PFKFB3: variants seen among roughly 807,000 people sequenced by gnomAD.
PFKFB3 encodes the protein 6-phosphofructo-2-kinase/fructose-2,6-biphosphatase 3, also known as 6-phosphofructo-2-kinase/fructose-2,6-bisphosphatase 3.
PFKFB3 carries 33 observed loss-of-function variants against 68.0 expected under a neutral mutation model. That is an observed-to-expected ratio of 0.49 (90% CI 0.37 to 0.65). The LOEUF is 0.65. Among genes scored for constraint, PFKFB3 ranks in the 30% least tolerant of loss-of-function variants. The probability of loss-of-function intolerance (pLI) is 0.00; values close to 1 mark genes in which losing one functional copy is unlikely to be tolerated. For synonymous variants in PFKFB3, 315 were observed against 288.2 expected, an observed-to-expected ratio of 1.09 and a Z score of -0.94; for missense variants, 586 against 712.2, an observed-to-expected ratio of 0.82 and a Z score of 2.02.
At chr10:6,172,154 A>G (rs1804057385) in intron 1 of PFKFB3, among the ~76,000 whole-genome samples, 1 of 152,256 alleles carries the variant, frequency 6.6e-6, no homozygotes, top group Non-Finnish European at 1.5e-5. Context: ...TGCTGGGATC[A>G]GTTCCCATCA....
the PFKFB3 span, among the ~76,000 whole-genome samples, chr10:6,283,257 C>T: frequency 1.3e-5 from 2 of 152,172 alleles, no homozygotes; most frequent in Admixed American, 6.5e-5. Context: ...AGTGAGCCAC[C>T]GCGCCCAGCC....
At chr10:6,186,276 C>G (rs1178764366) in intron 1 of PFKFB3, among the ~76,000 whole-genome samples, 1 of 152,122 alleles carries the variant, frequency 6.6e-6, no homozygotes, top group Non-Finnish European at 1.5e-5. Flanking sequence ...GGCTTAACTC[C>G]ATGGAACTAA....
intron 1 of PFKFB3, among the ~76,000 whole-genome samples, chr10:6,178,573 GAT>G (rs1842604078): frequency 6.6e-6 from 1 of 151,766 alleles, no homozygotes; most frequent in Non-Finnish European, 1.5e-5. Flanking sequence ...GAGCTTCCGG[GAT>G]GGACAGAGTC....
At chr10:6,283,199 A>C in the PFKFB3 span, among the ~76,000 whole-genome samples, 1 of 152,142 alleles carries the variant, frequency 6.6e-6, no homozygotes, top group Admixed American at 6.5e-5. Flanking sequence ...AACTCCTGAC[A>C]TCAGGTGATC....
rs913866854 is a variant in PFKFB3 at position 6,223,122 on chromosome 10, C to T, written c.1213+138C>T. The T allele has an allele frequency of 5.7e-5, 45 of 794,904 alleles. No homozygotes were observed. The African/African-American group carries it at 7.0e-4, about 12-fold the overall frequency. The allele number at this position is 794,904 out of a possible 1,614,324, so 49.2% of individuals were successfully genotyped here. On this transcript the variant is annotated intron_variant, in intron 11 of 14. Transcript: ENST00000379775. ...GGTGTTAGGAGAAGGGCACAGGTGT[C>T]GGCTCCCGGCTGCTTCAGGTCCTCT...
chr10:6,242,733 G>C (rs900795451), intron 14 of PFKFB3, among the ~76,000 whole-genome samples: 3 of 152,088 alleles, frequency 2.0e-5, no homozygotes, highest in Non-Finnish European at 4.4e-5. Flanking sequence ...AATTACAGGT[G>C]CACACTACCA....
the PFKFB3 span, among the ~76,000 whole-genome samples, chr10:6,289,128 C>T: frequency 1.6e-4 from 23 of 142,990 alleles, no homozygotes; most frequent in African/African-American, 5.2e-4. Flanking sequence ...GAGTAGGTTG[C>T]GAAAATTTTC....
chr10:6,269,023 CAAAAAAAA>C, the PFKFB3 span, among the ~76,000 whole-genome samples: 8 of 93,206 alleles, frequency 8.6e-5, no homozygotes, highest in African/African-American at 1.7e-4. Flanking sequence ...GATCCTGTCT[CAAAAAAAA>C]AAAAAAAAAA....
the PFKFB3 span, among the ~76,000 whole-genome samples, chr10:6,262,598 T>C: frequency 2.6e-5 from 4 of 152,198 alleles, no homozygotes; most frequent in African/African-American, 9.7e-5. Context: ...GATATTTGTG[T>C]GTGTTATTGT....
chr10:6,209,056 G>A (rs1194468059), intron 1 of PFKFB3, among the ~76,000 whole-genome samples: 2 of 152,202 alleles, frequency 1.3e-5, no homozygotes, highest in East Asian at 3.8e-4. Context: ...TGTCTCACGG[G>A]TACCCAGTGC....
In PFKFB3 at chr10:6,186,188, C is replaced by T. The variant is rs1223940150; in HGVS notation, c.17-27435C>T. Among the ~76,000 whole-genome samples the T allele has an allele frequency of 3.3e-5, 5 of 152,222 alleles. No individual in the cohort carries two copies. The East Asian group carries it at 9.6e-4, about 29-fold the overall frequency. On this transcript the variant is annotated intron_variant, in intron 1 of 14. Transcript: ENST00000379789. ...ATTCTAATTAGAAAGTTTGTATTAG[C>T]ATTTTAATGATATTCATAATATACT...
chr10:6,153,821 G>A (rs1393121577), intron 1 of PFKFB3, among the ~76,000 whole-genome samples: 13 of 151,474 alleles, frequency 8.6e-5, no homozygotes, highest in Non-Finnish European at 1.8e-4. Flanking sequence ...GCCACTGCAC[G>A]CCAGCCTGGG....
At chr10:6,189,229 T>G (rs1842962961) in intron 1 of PFKFB3, among the ~76,000 whole-genome samples, 1 of 152,240 alleles carries the variant, frequency 6.6e-6, no homozygotes, top group Admixed American at 6.5e-5. Context: ...CTTTGGTTGC[T>G]TTACCTGTTT....
chr10:6,176,884 G>C (rs1297581983), intron 1 of PFKFB3, among the ~76,000 whole-genome samples: 1 of 152,142 alleles, frequency 6.6e-6, no homozygotes, highest in East Asian at 1.9e-4. Context: ...CTTCAAACAA[G>C]CCCTTACCTG....
the PFKFB3 span, among the ~76,000 whole-genome samples, chr10:6,263,936 T>C: frequency 6.6e-6 from 1 of 152,260 alleles, no homozygotes; most frequent in Admixed American, 6.5e-5. Context: ...TTCTCCAGCA[T>C]TGGCCTCCCA....
chr10:6,290,155 G>A, the PFKFB3 span, among the ~76,000 whole-genome samples: 1 of 152,100 alleles, frequency 6.6e-6, no homozygotes, highest in Non-Finnish European at 1.5e-5. Context: ...TGCAAACAGG[G>A]ACAATTTGAC....
chr10:6,150,844 G>A (rs906531585), intron 1 of PFKFB3, among the ~76,000 whole-genome samples: 1 of 152,048 alleles, frequency 6.6e-6, no homozygotes, highest in African/African-American at 2.4e-5. Context: ...CTAAAAGTAT[G>A]AACAATTAGC....
chr10:6,202,909 G>A (rs1047484941), upstream of PFKFB3: 1 of 1,164,354 alleles, frequency 8.6e-7, no homozygotes, highest in Non-Finnish European at 1.1e-6. Flanking sequence ...CTCTTTAAAA[G>A]CCGGCGGTGC....
Position 6,203,232 on chromosome 10 carries a change from G to C in PFKFB3, c.-29G>C. Reference sequence around the variant, plus strand: ...GCCAGCGTCGGGATCTCGGCCCCGGGAGGCGGGCCGTCGGGCGCAGCCGCG... The same window carrying C: ...GCCAGCGTCGGGATCTCGGCCCCGGCAGGCGGGCCGTCGGGCGCAGCCGCG... On this transcript the variant is annotated 5_prime_UTR_variant, in exon 1 of 15. Coordinates refer to ENST00000379775, the MANE Select transcript of PFKFB3 (RefSeq NM_004566.4). 6.2e-7 allele frequency: 1 copy of C among 1,603,264 alleles called. No homozygotes were observed.
Sources: gnomAD v4.1 joint callset for allele counts (sites outside exome capture counted in the v4.1 genomes callset) on GRCh38, gnomAD v4.1.1 for gene constraint, MANE v1.5 for transcripts, NCBI Gene and HGNC (gene_info 2026-07-23, HGNC 2026-07-21) for gene names.